The following PTPRCAP variants were observed in gnomAD, a reference collection of about 807,000 sequenced individuals.
PTPRCAP encodes the protein protein tyrosine phosphatase receptor type C-associated protein.
For synonymous variants in PTPRCAP, 136 were observed against 135.8 expected (o/e 1.00, Z -0.01); for missense variants, 294 against 285.5 (o/e 1.03, Z -0.22).
chr11:67,436,098 G>C lies in PTPRCAP; in HGVS notation c.256C>G (p.Pro86Ala). 6.2e-7 allele frequency: 1 copy of C among 1,609,526 alleles called. No homozygotes were observed. The highest frequency in any genetic ancestry group is 8.5e-7 in the Non-Finnish European group (1 of 1,178,302). The change falls in exon 2 of 2, where the codon CCC (proline) becomes GCC (alanine). Residue 86 changes from proline to alanine, a missense_variant. Transcript: ENST00000326294. ...GRTRRLLWAS[P>A]PGRWLQARAE... ...CGGGCCTGCAGCCAGCGACCTGGGGGGCTGGCCCAGAGCAGGCGCCGCGTG... is the reference window on the plus strand; with the variant it reads ...CGGGCCTGCAGCCAGCGACCTGGGGCGCTGGCCCAGAGCAGGCGCCGCGTG...
rs370892336 is a variant in PTPRCAP, at chr11:67,437,643, G to A, written c.-24C>T. 7.6e-5 allele frequency: 104 copies of A among 1,364,736 alleles called. No individual in the cohort carries two copies. In the African/African-American group the frequency reaches 1.3e-3, roughly 18 times the overall value. The allele number at this position is 1,364,736 out of a possible 1,614,324, so 84.5% of individuals were successfully genotyped here. A position where few individuals can be genotyped will look rare whatever the true frequency, so the allele number is the denominator to read the frequency against. On this transcript the variant is annotated 5_prime_UTR_variant, in exon 1 of 2. Coordinates refer to ENST00000326294, the MANE Select transcript of PTPRCAP (RefSeq NM_005608.3). ...ATTGGTCCGCAGGCCCCTCCGTGCCGGGCACCCACCTCCAGCTCTGGCTGT... is the reference window on the plus strand; with the variant it reads ...ATTGGTCCGCAGGCCCCTCCGTGCCAGGCACCCACCTCCAGCTCTGGCTGT...
Position 67,435,724 on chromosome 11 carries a change from G to A in PTPRCAP, c.*9C>T, listed in dbSNP as rs762930015. 1 of 1,507,490 alleles carries A rather than the reference G, an allele frequency of 6.6e-7. No individual in the cohort carries two copies. Among genetic ancestry groups the A allele is most frequent in the South Asian group, 1.3e-5 (1 of 76,592 alleles). 93.4% of individuals were successfully genotyped at this position (1,507,490 alleles called of 1,614,324 possible). On this transcript the variant is annotated 3_prime_UTR_variant, in exon 2 of 2. Transcript: ENST00000326294. ...GGCTGTGACAGGGATGGGACACCAA[G>A]ACCGGCCTCTACAGTGCGGTGACAT...
chr11:67,436,020 C>T lies in PTPRCAP; in HGVS notation c.334G>A (p.Asp112Asn). 1 of 1,613,730 alleles carries T rather than the reference C, an allele frequency of 6.2e-7. No individual in the cohort carries two copies. The highest frequency in any genetic ancestry group is 8.5e-7 in the Non-Finnish European group (1 of 1,179,886). ...NDLERQEDEQ[D>N]TDYDHVADGG... ...TCCGCGACGTGGTCATAGTCTGTGT[C>T]CTGCTCATCCTCCTGTCGCTCAAGG... Residue 112 changes from aspartate (D) to asparagine (N), a missense_variant, in exon 2 of 2, where the codon GAC (aspartate) becomes AAC (asparagine). Asp to Asn is a conservative substitution (Grantham distance 23). Transcript: ENST00000326294.
rs150626853 is a variant in PTPRCAP, at chr11:67,436,683, G to T, written c.4-333C>A. The T allele has an allele frequency of 0.015, 4,320 of 283,910 alleles. 540 individuals carry two copies. The Admixed American group carries it at 0.19, about 13-fold the overall frequency. 17.6% of individuals were successfully genotyped at this position (283,910 alleles called of 1,614,324 possible). The stretch of plus-strand genomic sequence containing the variant: ...CCGGGCTGCATGGCCTGCTCACCGT[G>T]CTCAAACTTCACCCCAGTGAGGCTG... On this transcript the variant is annotated intron_variant, in intron 1 of 1. Coordinates refer to ENST00000326294, the MANE Select transcript of PTPRCAP (RefSeq NM_005608.3).
In PTPRCAP at chr11:67,435,593, ATGGACT is replaced by A; in HGVS notation, c.*134_*139del. 1 of 1,314,110 alleles carries A rather than the reference ATGGACT, an allele frequency of 7.6e-7. No individual in the cohort carries two copies. The highest frequency in any genetic ancestry group is 1.0e-6 in the Non-Finnish European group (1 of 979,138). The allele number at this position is 1,314,110 out of a possible 1,614,324, so 81.4% of individuals were successfully genotyped here. A position where few individuals can be genotyped will look rare whatever the true frequency, so the allele number is the denominator to read the frequency against. On this transcript the variant is annotated 3_prime_UTR_variant, in exon 2 of 2. Coordinates refer to ENST00000326294, the MANE Select transcript of PTPRCAP (RefSeq NM_005608.3). ...CGTTCCCGTGGTGAGCGGGGTACAC[ATGGACT>A]TGGGAACTGGTAGGGGGTGACAGTC...
At chr11:67,436,587 C>T in intron 1 of PTPRCAP, 1 of 446,368 alleles carries the variant, frequency 2.2e-6, no homozygotes, top group East Asian at 3.6e-5. Context: ...CATTAAGCCA[C>T]CTGCCTGGGG....
Position 67,436,125 on chromosome 11 carries a change from G to GTAGTA in PTPRCAP, c.228_229insTACTA (p.Arg77TyrfsTer103), listed in dbSNP as rs1864267815. The GTAGTA allele has an allele frequency of 3.1e-6, 5 of 1,593,280 alleles. No individual in the cohort carries two copies. The highest frequency in any genetic ancestry group is 4.3e-6 in the Non-Finnish European group (5 of 1,169,808). ...CTGGCCCAGAGCAGGCGCCGCGTGCGGCCCCACAGCGCGGCACCTAGGCGG... is the reference window on the plus strand; with the variant it reads ...CTGGCCCAGAGCAGGCGCCGCGTGCGTAGTAGCCCCACAGCGCGGCACCTAGGCGG... On this transcript the variant is annotated frameshift_variant, in exon 2 of 2. Transcript: ENST00000326294. LOFTEE classifies it low-confidence loss of function (END_TRUNC).
chr11:67,435,816 G>A lies in PTPRCAP; in HGVS notation c.538C>T (p.Leu180=), dbSNP rs377555679. Residue 180 remains leucine (L), a synonymous_variant, in exon 2 of 2, where the codon CTG becomes TTG. Coordinates refer to ENST00000326294, the MANE Select transcript of PTPRCAP (RefSeq NM_005608.3). ...GCTGCGCTGCCAGCAAAGGCGTGCA[G>A]GTCACTCAGCAGGGCCTCAGCACTG... ...GGSAEALLSD[L]HAFAGSAAWD... The A allele has an allele frequency of 3.7e-6, 6 of 1,603,860 alleles. No homozygotes were observed. Among genetic ancestry groups the A allele is most frequent in the Non-Finnish European group, 5.1e-6 (6 of 1,176,446 alleles).
chr11:67,437,410 C>T, intron 1 of PTPRCAP: 1 of 471,206 alleles, frequency 2.1e-6, no homozygotes. Context: ...GGGGCCTGGT[C>T]CGGTATGGGG....
Position 67,436,165 on chromosome 11 carries a change from G to GC in PTPRCAP, c.188dup (p.Tyr64LeufsTer33). The GC allele has an allele frequency of 1.3e-6, 2 of 1,564,102 alleles. No individual in the cohort carries two copies. The highest frequency in any genetic ancestry group is 8.7e-7 in the Non-Finnish European group (1 of 1,154,950). ...CACCTAGGCGGGCCGGGTGGTAGTA[G>GC]CCCCCTGAGTCACGGCTGAGGCGGC... On this transcript the variant is annotated frameshift_variant, in exon 2 of 2. Transcript: ENST00000326294. LOFTEE classifies it low-confidence loss of function (END_TRUNC).
In PTPRCAP at chr11:67,435,774, T is replaced by C; in HGVS notation, c.580A>G (p.Arg194Gly). Reference protein sequence around the residue: ...AGSAAWDDSARAAGGQGLHVT... With the variant: ...AGSAAWDDSAGAAGGQGLHVT... ...TGGAGGCCCTGGCCCCCAGCTGCCC[T>C]GGCGCTGTCATCCCAGGCTGCGCTG... The change falls in exon 2 of 2, where the codon AGG becomes GGG. Residue 194 changes from arginine to glycine, a missense_variant. Arg to Gly is a moderately radical substitution (Grantham distance 125). Transcript: ENST00000326294. 6.4e-7 allele frequency: 1 copy of C among 1,572,788 alleles called. No homozygotes were observed. Among genetic ancestry groups the C allele is most frequent in the Non-Finnish European group, 8.6e-7 (1 of 1,159,888 alleles).
rs772411031 is a variant in PTPRCAP at position 67,436,062 on chromosome 11, C to G, written c.292G>C (p.Gly98Arg). Reference sequence around the variant, plus strand: ...CGCTCAAGGTCATTGTCTGTGGACCCCAGCTCAGCTCGGGCCTGCAGCCAG... The same window carrying G: ...CGCTCAAGGTCATTGTCTGTGGACCGCAGCTCAGCTCGGGCCTGCAGCCAG... ...GRWLQARAEL[G>R]STDNDLERQE... The change falls in exon 2 of 2, where the codon GGG becomes CGG. Residue 98 changes from glycine to arginine, a missense_variant. Physicochemically the swap from Gly to Arg is moderately radical, Grantham distance 125 (BLOSUM62 -2). Transcript: ENST00000326294. 1 of 1,613,246 alleles carries G rather than the reference C, an allele frequency of 6.2e-7. No individual in the cohort carries two copies.
Position 67,436,299 on chromosome 11 carries a change from A to G in PTPRCAP, c.55T>C (p.Leu19=), listed in dbSNP as rs1329422352. 2.0e-6 allele frequency: 3 copies of G among 1,529,196 alleles called. No homozygotes were observed. Among genetic ancestry groups the G allele is most frequent in the African/African-American group, 2.7e-5 (2 of 72,734 alleles). 94.7% of individuals were successfully genotyped at this position (1,529,196 alleles called of 1,614,324 possible). ...TCCTCCGCGCTGCCACCCGAGCCCA[A>G]GGCCCCTGGCAGGGCCAGCAGCATC... ...LGMLLALPGA[L]GSGGSAEDSV... The change falls in exon 2 of 2, where the codon TTG becomes CTG. Residue 19 remains leucine (L), a synonymous_variant. Coordinates refer to ENST00000326294, the MANE Select transcript of PTPRCAP (RefSeq NM_005608.3).
Position 67,435,848 on chromosome 11 carries a change from G to A in PTPRCAP, c.506C>T (p.Ala169Val), listed in dbSNP as rs914754251. The A allele has an allele frequency of 6.2e-7, 1 of 1,609,340 alleles. No homozygotes were observed. The highest frequency in any genetic ancestry group is 1.7e-5 in the Admixed American group (1 of 59,906). The change falls in exon 2 of 2, where the codon GCA (alanine) becomes GTA (valine). Residue 169 changes from alanine (A) to valine (V), a missense_variant. By Grantham distance (64) the Ala-to-Val change is moderately conservative. Transcript: ENST00000326294. ...LVLGSPGPAS[A>V]GGSAEALLSD... ...CAGCAGGGCCTCAGCACTGCCCCCT[G>A]CGCTCGCTGGTCCTGGGGAGCCGAG...
At position 67,436,287 on chromosome 11, in the gene PTPRCAP, C is replaced by T. The variant is rs969034891; in HGVS notation, c.67G>A (p.Gly23Ser). 1.5e-5 allele frequency: 23 copies of T among 1,533,840 alleles called. No individual in the cohort carries two copies. The highest frequency in any genetic ancestry group is 1.7e-5 in the Non-Finnish European group (20 of 1,144,264). ...GAGCCCACGCTGTCCTCCGCGCTGC[C>T]ACCCGAGCCCAAGGCCCCTGGCAGG... ...LALPGALGSGGSAEDSVGSSS... is the reference protein window; with the variant it reads ...LALPGALGSGSSAEDSVGSSS... The change falls in exon 2 of 2, where the codon GGC becomes AGC. Residue 23 changes from glycine to serine, a missense_variant. Physicochemically the swap from Gly to Ser is moderately conservative, Grantham distance 56 (BLOSUM62 0). Transcript: ENST00000326294.
intron 1 of PTPRCAP, chr11:67,437,328 C>T (rs551311058): frequency 3.1e-5 from 11 of 359,702 alleles, no homozygotes; most frequent in South Asian, 1.5e-4. Flanking sequence ...CCAGGCTGTC[C>T]GCCCAGGCTC....
Position 67,437,597 on chromosome 11 carries a change from C to CG in PTPRCAP, c.3+19dup. 13 of 1,351,412 alleles carry CG rather than the reference C, an allele frequency of 9.6e-6. No homozygotes were observed. The highest frequency in any genetic ancestry group is 2.0e-4 in the Middle Eastern group (1 of 5,004). 83.7% of individuals were successfully genotyped at this position (1,351,412 alleles called of 1,614,324 possible). On this transcript the variant is annotated intron_variant, in intron 1 of 1. Coordinates refer to ENST00000326294, the MANE Select transcript of PTPRCAP (RefSeq NM_005608.3). ...GCCTGTGGCCCCCATCCCAAGAACCCGGGGGGCTCCGAGGCTTACCATTGG... is the reference window on the plus strand; with the variant it reads ...GCCTGTGGCCCCCATCCCAAGAACCCGGGGGGGCTCCGAGGCTTACCATTGG...
chr11:67,436,743 C>G, intron 1 of PTPRCAP: 1 of 196,770 alleles, frequency 5.1e-6, no homozygotes. Context: ...ATGTCTATCA[C>G]TGCAGCCCAC....
At chr11:67,436,417 G>C (rs1864281395) in intron 1 of PTPRCAP, 67 bp from the exon 2 acceptor site, 1 of 1,414,798 alleles carries the variant, frequency 7.1e-7, no homozygotes, top group Non-Finnish European at 9.2e-7. Flanking sequence ...GGGGCAGGCT[G>C]GGTGACCAAG....
Sources: gnomAD v4.1 joint callset for allele counts on GRCh38, gnomAD v4.1.1 for gene constraint, MANE v1.5 for transcripts, NCBI Gene and HGNC (gene_info 2026-07-23, HGNC 2026-07-21) for gene names.